Variants in SASS6 observed in about 807,000 individuals in gnomAD.
SASS6 encodes the protein SAS-6 centriolar assembly protein.
Under a neutral mutation model 94.9 loss-of-function variants are expected in SASS6, and 59 were observed. The ratio of observed to expected loss-of-function variants is 0.62; its 90% CI spans 0.50 to 0.77. SASS6 has a LOEUF of 0.77. Ranked by LOEUF, SASS6 falls within the 30% of genes least tolerant of loss-of-function variation. The pLI is 0.00. For synonymous variants in SASS6, 264 were observed against 270.0 expected (o/e 0.98, Z 0.22); for missense variants, 698 against 734.1 (o/e 0.95, Z 0.57).
chr1:100,102,821 G>T, intron 14 of SASS6, 134 bp downstream of exon 14: 1 of 638,726 alleles, frequency 1.6e-6, no homozygotes, highest in Non-Finnish European at 2.8e-6. Flanking sequence ...ATTCAGTAAT[G>T]TATTTATCTA....
rs72973321 is a variant in SASS6 at position 100,102,912 on chromosome 1, T to C, written c.1674+43A>G. On this transcript the variant is annotated intron_variant, in intron 14 of 16. Transcript: ENST00000287482. The stretch of plus-strand genomic sequence containing the variant: ...GTGAAATGTTTGTATGCTAATAGGT[T>C]GCTATATTTTTTCCCAGAACAAGTA... 672 of 1,477,274 alleles carry C rather than the reference T, an allele frequency of 4.5e-4. No individual in the cohort carries two copies. In the African/African-American group the frequency reaches 8.6e-3, roughly 19 times the overall value. 91.5% of individuals were successfully genotyped at this position (1,477,274 alleles called of 1,614,324 possible).
At chr1:100,105,732 C>G (rs1449554001) in intron 13 of SASS6, 35 bp downstream of exon 13, 3 of 1,592,244 alleles carry the variant, frequency 1.9e-6, no homozygotes, top group South Asian at 2.3e-5. Flanking sequence ...TCAGGAAATT[C>G]ACTAAGATCA....
chr1:100,130,137 C>G (rs1052252756), intron 1 of SASS6, among the ~76,000 whole-genome samples: 5 of 152,136 alleles, frequency 3.3e-5, no homozygotes, highest in Non-Finnish European at 1.5e-5. Flanking sequence ...GGACTTAAAC[C>G]CAGGCAATCT....
rs767075680 is a variant in SASS6 at position 100,107,968 on chromosome 1, G to A, written c.898C>T (p.Arg300Ter). 7.4e-6 allele frequency: 12 copies of A among 1,610,870 alleles called. No homozygotes were observed. The highest frequency in any genetic ancestry group is 1.3e-5 in the African/African-American group (1 of 74,704). The change falls in exon 9 of 17, where the codon CGA becomes TGA. Residue 300 changes from arginine to a stop codon, truncating the protein, a stop_gained. Transcript: ENST00000287482. LOFTEE classifies it high-confidence loss of function. Reference sequence around the variant, plus strand: ...ACATCTAGTGTAGAATTCTCTCTTCGCAAAGAGAGGACTTCTTGCTTAGTC... The same window carrying A: ...ACATCTAGTGTAGAATTCTCTCTTCACAAAGAGAGGACTTCTTGCTTAGTC... The part of the protein sequence containing the change: ...QRTKQEVLSL[R>*]RENSTLDVEC...
intron 1 of SASS6, among the ~76,000 whole-genome samples, chr1:100,126,503 C>T (rs927423046): frequency 2.0e-5 from 3 of 152,098 alleles, no homozygotes; most frequent in African/African-American, 7.2e-5. Flanking sequence ...TGTGGCCCGT[C>T]GCAGTGGCTC....
intron 1 of SASS6, among the ~76,000 whole-genome samples, chr1:100,128,373 T>C (rs1214418095): frequency 6.6e-6 from 1 of 152,192 alleles, no homozygotes; most frequent in Admixed American, 6.5e-5. Flanking sequence ...TCATACTTCA[T>C]ATATTTGCAA....
Position 100,104,416 on chromosome 1 carries a change from A to G in SASS6, c.1546-1333T>C, listed in dbSNP as rs537348396. Among the ~76,000 whole-genome samples the G allele has an allele frequency of 9.2e-5, 14 of 152,174 alleles. No homozygotes were observed. The South Asian group carries it at 2.9e-3, about 32-fold the overall frequency. On this transcript the variant is annotated intron_variant, in intron 13 of 16. Transcript: ENST00000287482. ...AGCAGCACCTAGGCCTAACTATCAG[A>G]TAGTACCAAACCACCTCTGAATGTA...
intron 2 of SASS6, among the ~76,000 whole-genome samples, chr1:100,123,777 T>A (rs926515278): frequency 2.0e-5 from 3 of 152,232 alleles, no homozygotes; most frequent in African/African-American, 4.8e-5. Context: ...AGGTAACACG[T>A]TGCCAGGCTT....
At chr1:100,111,151 T>C (rs78593751) in intron 7 of SASS6, among the ~76,000 whole-genome samples, 143 of 152,130 alleles carry the variant, frequency 9.4e-4, no homozygotes, top group African/African-American at 3.3e-3. Flanking sequence ...ATCAAAGTTA[T>C]ACATGCTCTT....
At chr1:100,122,317 G>C in intron 4 of SASS6, 63 bp downstream of exon 4, 1 of 730,706 alleles carries the variant, frequency 1.4e-6, no homozygotes. Flanking sequence ...CCATCAACTT[G>C]TGTTTCAAAG....
At chr1:100,092,644 C>T (rs531221163) in intron 14 of SASS6, among the ~76,000 whole-genome samples, 3 of 152,096 alleles carry the variant, frequency 2.0e-5, no homozygotes, top group South Asian at 2.1e-4. Flanking sequence ...GGCGCAATCT[C>T]GGCTCGCTGC....
At chr1:100,107,308 A>G in intron 11 of SASS6, 66 bp downstream of exon 11, 1 of 998,344 alleles carries the variant, frequency 1.0e-6, no homozygotes, top group Non-Finnish European at 1.5e-6. Flanking sequence ...TTAATGTAAC[A>G]AAGCATAAAT....
chr1:100,128,729 G>A (rs1397701424), intron 1 of SASS6, among the ~76,000 whole-genome samples: 1 of 152,200 alleles, frequency 6.6e-6, no homozygotes, highest in African/African-American at 2.4e-5. Flanking sequence ...CTCAATAGAT[G>A]TCGTACTCAA....
At chr1:100,092,628 T>G (rs1015284945) in intron 14 of SASS6, among the ~76,000 whole-genome samples, 21 of 152,066 alleles carry the variant, frequency 1.4e-4, no homozygotes, top group African/African-American at 4.8e-4. Context: ...CAGGCTAGAG[T>G]GCAGAGGCGC....
chr1:100,085,454 A>C lies in SASS6; in HGVS notation c.1868-20T>G, dbSNP rs1651174007. On this transcript the variant is annotated intron_variant, in intron 16 of 16. Transcript: ENST00000287482. ...GATGGTCTGCAAATGAGGACAAAAA[A>C]AGGTTACTGGTATTCATTAAGTCTT... 6.3e-7 allele frequency: 1 copy of C among 1,581,778 alleles called. No individual in the cohort carries two copies. Among genetic ancestry groups the C allele is most frequent in the African/African-American group, 1.3e-5 (1 of 74,216 alleles).
rs925209692 is a variant in SASS6, at chr1:100,130,343, C to T, written c.65+2407G>A. ...AGGACAGTTCCTGAGACACAGCAGA[C>T]ATTTGCCAGTATTTGTTGAGCTGAA... On this transcript the variant is annotated intron_variant, in intron 1 of 16. Transcript: ENST00000287482. Among the ~76,000 whole-genome samples, 7 of 152,302 alleles carry T rather than the reference C, an allele frequency of 4.6e-5. No individual in the cohort carries two copies. In the South Asian group the frequency reaches 1.2e-3, roughly 27 times the overall value.
At chr1:100,129,535 C>G (rs1654856800) in intron 1 of SASS6, among the ~76,000 whole-genome samples, 1 of 152,062 alleles carries the variant, frequency 6.6e-6, no homozygotes, top group Admixed American at 6.5e-5. Context: ...CATTACAGAG[C>G]CCAAATGAAA....
intron 8 of SASS6, among the ~76,000 whole-genome samples, chr1:100,109,575 A>T (rs1278134172): frequency 2.6e-5 from 4 of 152,034 alleles, no homozygotes; most frequent in Non-Finnish European, 4.4e-5. Flanking sequence ...CATTCTGTAC[A>T]TGTATCCTGG....
chr1:100,130,053 G>A (rs1654886078), intron 1 of SASS6, among the ~76,000 whole-genome samples: 1 of 152,158 alleles, frequency 6.6e-6, no homozygotes, highest in South Asian at 2.1e-4. Context: ...AGTAGGTACT[G>A]TTATTACCAT....
Sources: gnomAD v4.1 joint callset for allele counts (sites outside exome capture counted in the v4.1 genomes callset) on GRCh38, gnomAD v4.1.1 for gene constraint, MANE v1.5 for transcripts, NCBI Gene and HGNC (gene_info 2026-07-23, HGNC 2026-07-21) for gene names.